CSMD1: variants seen among roughly 807,000 people sequenced by gnomAD.
CSMD1 encodes CUB and Sushi multiple domains 1.
In CSMD1, 213 loss-of-function variants were observed where a neutral mutation model predicts 417.5. The observed-to-expected ratio is 0.51, with a 90% CI of 0.46 to 0.57. The LOEUF is 0.57. CSMD1 is among the 20% of genes least tolerant of loss of function. CSMD1 has a pLI of 0.00. For synonymous variants in CSMD1, 2,862 were observed against 1,736.8 expected, an observed-to-expected ratio of 1.65 and a Z score of -16.11; for missense variants, 6,923 against 4,529.7, an observed-to-expected ratio of 1.53 and a Z score of -15.17.
At chr8:3,320,496 C>T (rs1406269463) in intron 23 of CSMD1, among the ~76,000 whole-genome samples, 1 of 152,182 alleles carries the variant, frequency 6.6e-6, no homozygotes, top group African/African-American at 2.4e-5. Context: ...GAATTTGTTG[C>T]TGCTGTTATG....
At chr8:4,692,168 A>G (rs1054127912) in intron 1 of CSMD1, among the ~76,000 whole-genome samples, 1 of 152,052 alleles carries the variant, frequency 6.6e-6, no homozygotes. Flanking sequence ...CCTTCTGGAA[A>G]CCAGCAGCCC....
intron 5 of CSMD1, among the ~76,000 whole-genome samples, chr8:3,852,959 C>G (rs1174750480): frequency 2.6e-5 from 4 of 152,160 alleles, no homozygotes; most frequent in African/African-American, 9.7e-5. Context: ...TTTATTTGCA[C>G]CGCTTTATGG....
intron 1 of CSMD1, among the ~76,000 whole-genome samples, chr8:4,647,327 G>T (rs770542752): frequency 6.6e-6 from 1 of 150,948 alleles, no homozygotes; most frequent in African/African-American, 2.4e-5. Context: ...CATGTGCCAC[G>T]GCGGCCTGCT....
intron 5 of CSMD1, among the ~76,000 whole-genome samples, chr8:3,757,181 T>C (rs527687992): frequency 1.3e-5 from 2 of 152,142 alleles, no homozygotes. Flanking sequence ...TACACCCACA[T>C]CCACTCTTTA....
intron 51 of CSMD1, among the ~76,000 whole-genome samples, chr8:3,023,372 T>C (rs1809600457): frequency 1.3e-5 from 2 of 152,220 alleles, no homozygotes; most frequent in African/African-American, 4.8e-5. Flanking sequence ...GATAAATGTT[T>C]TTCTTTTTAA....
chr8:4,724,041 T>G (rs1314980896), intron 1 of CSMD1, among the ~76,000 whole-genome samples: 2 of 152,130 alleles, frequency 1.3e-5, no homozygotes, highest in Non-Finnish European at 2.9e-5. Flanking sequence ...AATCACTGAA[T>G]GATTCTTCTA....
chr8:4,491,026 G>A (rs967819801), intron 2 of CSMD1, among the ~76,000 whole-genome samples: 2 of 152,150 alleles, frequency 1.3e-5, no homozygotes, highest in African/African-American at 2.4e-5. Context: ...CATGTAGGCA[G>A]CTCCTATGGT....
At chr8:3,461,937 A>G (rs1231140269) in intron 12 of CSMD1, among the ~76,000 whole-genome samples, 1 of 152,202 alleles carries the variant, frequency 6.6e-6, no homozygotes, top group Non-Finnish European at 1.5e-5. Context: ...CTAAGGAGGC[A>G]GATCCTCACA....
chr8:3,159,895 C>G (rs551027345), intron 38 of CSMD1, among the ~76,000 whole-genome samples: 1 of 152,046 alleles, frequency 6.6e-6, no homozygotes, highest in South Asian at 2.1e-4. Context: ...TATAAAAGAA[C>G]GGCAACAGAA....
At position 3,580,917 on chromosome 8, in the gene CSMD1, A is replaced by G. The variant is rs191904821; in HGVS notation, c.1222+5219T>C. ...GTTTTTGGTAAATGATGAGTTCACA[A>G]ATTAAGAATAATTTTTAGCTAACCT... On this transcript the variant is annotated intron_variant, in intron 9 of 69. Transcript: ENST00000635120. 1.2e-4 allele frequency among the ~76,000 whole-genome samples: 19 copies of G among 152,324 alleles called. No homozygotes were observed. The East Asian group carries it at 3.3e-3, about 26-fold the overall frequency.
intron 25 of CSMD1, among the ~76,000 whole-genome samples, chr8:3,306,700 G>C (rs967701579): frequency 3.3e-5 from 5 of 152,160 alleles, no homozygotes; most frequent in African/African-American, 9.6e-5. Flanking sequence ...ATTTTAAAAA[G>C]GATTGGTTAG....
At chr8:4,343,732 G>A (rs1800618077) in intron 3 of CSMD1, among the ~76,000 whole-genome samples, 1 of 151,990 alleles carries the variant, frequency 6.6e-6, no homozygotes, top group Non-Finnish European at 1.5e-5. Flanking sequence ...GGTCCATAAG[G>A]AAATATCATC....
At chr8:4,355,637 A>G (rs757440260) in intron 3 of CSMD1, among the ~76,000 whole-genome samples, 1 of 152,218 alleles carries the variant, frequency 6.6e-6, no homozygotes, top group Non-Finnish European at 1.5e-5. Context: ...TACAGAAATC[A>G]TTCAAGAAAA....
At chr8:3,423,806 C>G (rs1160381273) in intron 12 of CSMD1, among the ~76,000 whole-genome samples, 1 of 152,168 alleles carries the variant, frequency 6.6e-6, no homozygotes, top group Non-Finnish European at 1.5e-5. Context: ...TGAATGGGTA[C>G]TCCCTCAGCG....
intron 21 of CSMD1, among the ~76,000 whole-genome samples, chr8:3,355,802 C>T (rs552246228): frequency 6.6e-6 from 1 of 152,062 alleles, no homozygotes; most frequent in African/African-American, 2.4e-5. Context: ...TTGACTTAAG[C>T]CAATGTGGGC....
In CSMD1 at chr8:3,453,106, G is replaced by C. The variant is rs1272804508; in HGVS notation, c.1561+15606C>G. On this transcript the variant is annotated intron_variant, in intron 12 of 69. Transcript: ENST00000635120. ...CTAGATTTTCTAGTTCTTTTGCATA[G>C]AGGTGGTTATAGTATTCTCTGATGG... is the stretch of plus-strand genomic sequence containing the variant. Among the ~76,000 whole-genome samples the C allele has an allele frequency of 2.6e-5, 4 of 152,170 alleles. No individual in the cohort carries two copies. In the East Asian group the frequency reaches 7.7e-4, roughly 29 times the overall value.
At chr8:4,327,681 T>C (rs1799637966) in intron 3 of CSMD1, among the ~76,000 whole-genome samples, 1 of 152,220 alleles carries the variant, frequency 6.6e-6, no homozygotes, top group Non-Finnish European at 1.5e-5. Context: ...TTCTAGAATG[T>C]ATTTTGTTTA....
intron 5 of CSMD1, among the ~76,000 whole-genome samples, chr8:3,801,720 T>C (rs1466885272): frequency 6.6e-6 from 1 of 152,128 alleles, no homozygotes; most frequent in Non-Finnish European, 1.5e-5. Context: ...TGGAAACAAT[T>C]CAAGCATTCA....
At chr8:3,266,701 G>A (rs1051955975) in intron 26 of CSMD1, among the ~76,000 whole-genome samples, 2 of 150,718 alleles carry the variant, frequency 1.3e-5, no homozygotes, top group Admixed American at 1.3e-4. Flanking sequence ...CTTGAACCCA[G>A]GAGGCAGAGT....
Sources: allele counts gnomAD v4.1 joint callset (sites outside exome capture counted in the v4.1 genomes callset), GRCh38; gene constraint gnomAD v4.1.1; transcripts MANE v1.5; gene names NCBI Gene and HGNC (gene_info 2026-07-23, HGNC 2026-07-21).